DACH1: variants seen among roughly 807,000 people sequenced by gnomAD.
DACH1 encodes dachshund homolog 1.
DACH1 carries 12 observed loss-of-function variants against 54.2 expected under a neutral mutation model. That is an observed-to-expected ratio of 0.22 (90% CI 0.14 to 0.36). The LOEUF (loss-of-function observed/expected upper bound fraction) is 0.36, where lower values mean the gene tolerates loss of function less well. DACH1 is among the 10% of genes least tolerant of loss of function. The probability of loss-of-function intolerance (pLI) is 1.00; values close to 1 mark genes in which losing one functional copy is unlikely to be tolerated. For synonymous variants in DACH1, 386 were observed against 366.2 expected (o/e 1.05, Z -0.62); for missense variants, 805 against 929.8 (o/e 0.87, Z 1.75).
At chr13:71,749,433 C>G (rs1279188580) in intron 1 of DACH1, among the ~76,000 whole-genome samples, 1 of 151,726 alleles carries the variant, frequency 6.6e-6, no homozygotes, top group African/African-American at 2.4e-5. Context: ...GAGGGGGGGG[C>G]ATTTGTTAAG....
intron 6 of DACH1, among the ~76,000 whole-genome samples, chr13:71,501,254 G>A (rs1464054514): frequency 6.6e-6 from 1 of 152,078 alleles, no homozygotes; most frequent in Non-Finnish European, 1.5e-5. Context: ...ACTCACATTG[G>A]CTCAGAATAA....
intron 1 of DACH1, among the ~76,000 whole-genome samples, chr13:71,863,996 G>C (rs1002938219): frequency 1.2e-4 from 18 of 151,726 alleles, no homozygotes; most frequent in Non-Finnish European, 8.8e-5. Context: ...CATAACTCCA[G>C]AACAATTTTC....
At chr13:71,477,945 G>C (rs556697544) in intron 8 of DACH1, among the ~76,000 whole-genome samples, 86 of 152,224 alleles carry the variant, frequency 5.6e-4, no homozygotes, top group Admixed American at 1.0e-3. Flanking sequence ...CCCTCTAGTG[G>C]TTAACGAAAG....
chr13:71,578,028 C>T (rs1268400452), intron 3 of DACH1, among the ~76,000 whole-genome samples: 1 of 152,074 alleles, frequency 6.6e-6, no homozygotes, highest in African/African-American at 2.4e-5. Flanking sequence ...AAACACAAAA[C>T]TAAAGTGATC....
intron 2 of DACH1, among the ~76,000 whole-genome samples, chr13:71,632,796 C>CA (rs1877209570): frequency 6.6e-6 from 1 of 152,080 alleles, no homozygotes; most frequent in Non-Finnish European, 1.5e-5. Context: ...AATCTAAACT[C>CA]AAAGAATCCA....
rs112271287 is a variant in DACH1, at chr13:71,492,742, A to AGTGT, written c.1571-3598_1571-3595dup. ...CCCTCTCTTGTTCTGTGTGTGTGTG[A>AGTGT]GTGTGTGTGTGTGTGTGTGAGTGTA... is the stretch of plus-strand genomic sequence containing the variant. On this transcript the variant is annotated intron_variant, in intron 6 of 10. Transcript: ENST00000613252. Among the ~76,000 whole-genome samples, 14 of 139,816 alleles carry AGTGT rather than the reference A, an allele frequency of 1.0e-4. No individual in the cohort carries two copies. In the East Asian group the frequency reaches 2.1e-3, roughly 21 times the overall value. The allele number at this position is 139,816 out of a possible 152,430, so 91.7% of individuals were successfully genotyped here. A position where few individuals can be genotyped will look rare whatever the true frequency, so the allele number is the denominator to read the frequency against.
chr13:71,757,017 A>G (rs977029138), intron 1 of DACH1, among the ~76,000 whole-genome samples: 2 of 152,206 alleles, frequency 1.3e-5, no homozygotes, highest in East Asian at 3.9e-4. Flanking sequence ...TTTGTTAAGT[A>G]CAATTCAATG....
At chr13:71,591,236 G>T (rs1294583928) in intron 3 of DACH1, among the ~76,000 whole-genome samples, 2 of 151,794 alleles carry the variant, frequency 1.3e-5, no homozygotes, top group Admixed American at 6.6e-5. Flanking sequence ...TACTTCCACT[G>T]ACTATAAGCA....
At chr13:71,547,747 T>C (rs1185217493) in intron 6 of DACH1, among the ~76,000 whole-genome samples, 1 of 152,134 alleles carries the variant, frequency 6.6e-6, no homozygotes, top group Non-Finnish European at 1.5e-5. Flanking sequence ...TAACCACTAG[T>C]TCCATATTAA....
At chr13:71,678,447 GCAATAGT>G in intron 2 of DACH1, among the ~76,000 whole-genome samples, 1 of 152,264 alleles carries the variant, frequency 6.6e-6, no homozygotes, top group African/African-American at 2.4e-5. Context: ...CCATTCATGT[GCAATAGT>G]CAAACTTCTG....
At chr13:71,449,814 C>CTCT (rs1246913512) in intron 10 of DACH1, among the ~76,000 whole-genome samples, 2 of 150,166 alleles carry the variant, frequency 1.3e-5, no homozygotes, top group East Asian at 3.9e-4. Flanking sequence ...TTTTTCAGTT[C>CTCT]TCTTCAAATA....
intron 1 of DACH1, among the ~76,000 whole-genome samples, chr13:71,791,232 T>A (rs565044050): frequency 6.6e-6 from 1 of 152,320 alleles, no homozygotes; most frequent in Middle Eastern, 3.4e-3. Context: ...GCTGTGCTAA[T>A]ATAACCCATT....
At chr13:71,442,413 T>A (rs1221739590) in intron 10 of DACH1, among the ~76,000 whole-genome samples, 1 of 152,170 alleles carries the variant, frequency 6.6e-6, no homozygotes, top group African/African-American at 2.4e-5. Context: ...TGCGTATGTG[T>A]ACACCATTTT....
intron 1 of DACH1, among the ~76,000 whole-genome samples, chr13:71,829,040 T>C (rs970087958): frequency 2.0e-5 from 3 of 152,032 alleles, no homozygotes; most frequent in Non-Finnish European, 4.4e-5. Flanking sequence ...TTCACATTTA[T>C]GTACTAACGT....
intron 6 of DACH1, among the ~76,000 whole-genome samples, chr13:71,506,452 C>A (rs1157188110): frequency 2.6e-5 from 4 of 151,768 alleles, no homozygotes; most frequent in Non-Finnish European, 4.4e-5. Context: ...CATGTCCCTA[C>A]AAAGGACATG....
chr13:71,693,138 A>G (rs1246811544), intron 1 of DACH1, among the ~76,000 whole-genome samples: 6 of 152,118 alleles, frequency 3.9e-5, no homozygotes, highest in Admixed American at 3.9e-4. Context: ...AAGAAGGAAA[A>G]AACTACAGCG....
At position 71,735,378 on chromosome 13, in the gene DACH1, G is replaced by A. The variant is rs186006195; in HGVS notation, c.849-53468C>T. 2.4e-3 allele frequency among the ~76,000 whole-genome samples: 53 copies of A among 21,856 alleles called. 1 individual carries two copies. The highest frequency in any genetic ancestry group is 9.4e-3 in the African/African-American group (48 of 5,132). 14.3% of individuals were successfully genotyped at this position (21,856 alleles called of 152,430 possible). On this transcript the variant is annotated intron_variant, in intron 1 of 10. Coordinates refer to ENST00000613252, the MANE Select transcript of DACH1 (RefSeq NM_080759.6). The stretch of plus-strand genomic sequence containing the variant: ...GGATATACACGTATACGGGATATAC[G>A]TGTATATGGGATATACACGTATACG...
intron 1 of DACH1, among the ~76,000 whole-genome samples, chr13:71,738,331 T>C (rs7331099): frequency 0.026 from 3,919 of 152,100 alleles, 170 homozygotes; most frequent in African/African-American, 0.088. Flanking sequence ...TTTCCAATAC[T>C]CGATAAACAA....
chr13:71,844,650 T>G (rs1163515028), intron 1 of DACH1, among the ~76,000 whole-genome samples: 1 of 152,084 alleles, frequency 6.6e-6, no homozygotes, highest in East Asian at 1.9e-4. Context: ...CTCACAAAAT[T>G]TAGCTATACC....
Sources: gnomAD v4.1 joint callset for allele counts (sites outside exome capture counted in the v4.1 genomes callset) on GRCh38, gnomAD v4.1.1 for gene constraint, MANE v1.5 for transcripts, NCBI Gene and HGNC (gene_info 2026-07-23, HGNC 2026-07-21) for gene names.